Variants in ME1 observed in about 807,000 individuals in gnomAD.
ME1 encodes the protein malic enzyme 1, also known as NADP-dependent malic enzyme.
In ME1, 74 loss-of-function variants were observed where a neutral mutation model predicts 66.4. That is an observed-to-expected ratio of 1.11 (90% confidence interval 0.92 to 1.35). The LOEUF (loss-of-function observed/expected upper bound fraction) is 1.35. Ranked by LOEUF, ME1 falls within the 40% of genes most tolerant of loss-of-function variation. ME1 has a pLI of 0.00. For synonymous variants in ME1, 251 were observed against 235.6 expected, an observed-to-expected ratio of 1.07 and a Z score of -0.60; for missense variants, 750 against 694.1, an observed-to-expected ratio of 1.08 and a Z score of -0.90.
chr6:83,245,664 T>C (rs1790605762), intron 7 of ME1, among the ~76,000 whole-genome samples: 1 of 152,204 alleles, frequency 6.6e-6, no homozygotes, highest in Non-Finnish European at 1.5e-5. Flanking sequence ...TGCCTTGGCA[T>C]CCCAAAGTGC....
At chr6:83,265,755 C>T (rs1275886636) in intron 6 of ME1, among the ~76,000 whole-genome samples, 1 of 152,172 alleles carries the variant, frequency 6.6e-6, no homozygotes, top group Non-Finnish European at 1.5e-5. Context: ...TTTCTGTGCA[C>T]ACTTTCAGAC....
chr6:83,378,983 A>G (rs1046649629), intron 3 of ME1, among the ~76,000 whole-genome samples: 2 of 152,090 alleles, frequency 1.3e-5, no homozygotes, highest in Non-Finnish European at 2.9e-5. Context: ...ATTCTTTGGC[A>G]TTGCTCATGA....
At chr6:83,303,874 C>T (rs546041904) in intron 6 of ME1, among the ~76,000 whole-genome samples, 3 of 152,036 alleles carry the variant, frequency 2.0e-5, no homozygotes, top group Admixed American at 6.6e-5. Flanking sequence ...GGAATAACAA[C>T]CTCTGAGTAA....
chr6:83,363,414 TAA>T (rs1193985763), intron 3 of ME1, among the ~76,000 whole-genome samples: 1 of 152,140 alleles, frequency 6.6e-6, no homozygotes, highest in Non-Finnish European at 1.5e-5. Flanking sequence ...ACAATGGCGG[TAA>T]GGAAGAGTAT....
At chr6:83,247,426 A>G (rs1275194189) in intron 7 of ME1, among the ~76,000 whole-genome samples, 2 of 152,078 alleles carry the variant, frequency 1.3e-5, no homozygotes, top group Non-Finnish European at 2.9e-5. Context: ...ATCAAAATCT[A>G]TATTATTTAA....
At chr6:83,319,310 A>AAAAAT (rs543421581) in intron 5 of ME1, among the ~76,000 whole-genome samples, 1 of 151,614 alleles carries the variant, frequency 6.6e-6, no homozygotes, top group Non-Finnish European at 1.5e-5. Context: ...TAATAATAAA[A>AAAAAT]AAAATAAAAT....
At chr6:83,391,184 G>A (rs1471105988) in intron 3 of ME1, among the ~76,000 whole-genome samples, 2 of 152,086 alleles carry the variant, frequency 1.3e-5, no homozygotes, top group South Asian at 2.1e-4. Flanking sequence ...GATAAGATGC[G>A]GCAGGCTGTA....
intron 8 of ME1, among the ~76,000 whole-genome samples, chr6:83,239,282 T>C (rs1790468149): frequency 6.6e-6 from 1 of 152,002 alleles, no homozygotes; most frequent in Admixed American, 6.6e-5. Flanking sequence ...GCACCTTAGA[T>C]ATGCATAACA....
chr6:83,356,968 C>T (rs1020811253), intron 3 of ME1, among the ~76,000 whole-genome samples: 1 of 152,130 alleles, frequency 6.6e-6, no homozygotes, highest in African/African-American at 2.4e-5. Context: ...AAATGCTGTG[C>T]AATATTTAGT....
At chr6:83,322,233 A>G (rs961131873) in intron 5 of ME1, among the ~76,000 whole-genome samples, 2 of 152,200 alleles carry the variant, frequency 1.3e-5, no homozygotes, top group African/African-American at 4.8e-5. Context: ...TCCAAAAACC[A>G]GAATAACTCT....
intron 6 of ME1, among the ~76,000 whole-genome samples, chr6:83,298,665 C>T (rs1456374002): frequency 6.6e-6 from 1 of 152,042 alleles, no homozygotes; most frequent in Non-Finnish European, 1.5e-5. Context: ...AATGGTATTA[C>T]CTAGATTTTC....
At chr6:83,217,676 A>C (rs891270205) in intron 12 of ME1, among the ~76,000 whole-genome samples, 7 of 152,300 alleles carry the variant, frequency 4.6e-5, no homozygotes, top group African/African-American at 1.7e-4. Flanking sequence ...GTGGCTTGAA[A>C]GGCAAACCTA....
chr6:83,268,345 C>T (rs1767025179), intron 6 of ME1, among the ~76,000 whole-genome samples: 1 of 152,070 alleles, frequency 6.6e-6, no homozygotes, highest in South Asian at 2.1e-4. Flanking sequence ...GCCTTGCTTT[C>T]TTTTAAATTA....
rs7356975 is a variant in ME1, at chr6:83,237,782, C to T, written c.961G>A (p.Gly321Ser). ...TTGATGGCTTTCTCTTTTGGTAAAC[C>T]TTCTTTTTCCAAGGCCATCACAATC... The part of the protein sequence containing the change: ...HLIVMALEKE[G>S]LPKEKAIKKI... Residue 321 changes from glycine to serine, a missense_variant, in exon 9 of 14, where the codon GGT becomes AGT. By Grantham distance (56) the Gly-to-Ser change is moderately conservative (BLOSUM62 0). Coordinates refer to ENST00000369705, the MANE Select transcript of ME1 (RefSeq NM_002395.6). 1 of 1,607,978 alleles carries T rather than the reference C, an allele frequency of 6.2e-7. No individual in the cohort carries two copies. The highest frequency in any genetic ancestry group is 8.5e-7 in the Non-Finnish European group (1 of 1,177,020).
At chr6:83,275,448 G>A (rs1228011034) in intron 6 of ME1, among the ~76,000 whole-genome samples, 1 of 150,796 alleles carries the variant, frequency 6.6e-6, no homozygotes, top group African/African-American at 2.4e-5. Context: ...TGAAAATTAG[G>A]TAAAATAGTT....
At chr6:83,348,431 C>T (rs1221083617) in intron 4 of ME1, among the ~76,000 whole-genome samples, 1 of 152,040 alleles carries the variant, frequency 6.6e-6, no homozygotes, top group Non-Finnish European at 1.5e-5. Flanking sequence ...CCTGCCTATA[C>T]TTACAAATAT....
At chr6:83,222,861 A>AGATT (rs757807612) in intron 12 of ME1, among the ~76,000 whole-genome samples, 12 of 152,206 alleles carry the variant, frequency 7.9e-5, no homozygotes, top group Non-Finnish European at 1.5e-4. Context: ...TGACAGTACA[A>AGATT]GATTCCCCAG....
intron 3 of ME1, chr6:83,393,205 A>G (rs1202120239): frequency 1.7e-6 from 2 of 1,184,394 alleles, no homozygotes; most frequent in South Asian, 1.2e-5. Context: ...GCGTCAGAGG[A>G]CCCCCTCAAA....
intron 2 of ME1, among the ~76,000 whole-genome samples, chr6:83,403,992 T>G (rs1256303565): frequency 1.3e-5 from 2 of 152,222 alleles, no homozygotes; most frequent in East Asian, 1.9e-4. Context: ...TATAGTAGAA[T>G]GATCTATAAT....
Sources: gnomAD v4.1 joint callset for allele counts (sites outside exome capture counted in the v4.1 genomes callset) on GRCh38, gnomAD v4.1.1 for gene constraint, MANE v1.5 for transcripts, NCBI Gene and HGNC (gene_info 2026-07-23, HGNC 2026-07-21) for gene names.